Variants in PHF2 observed in about 807,000 individuals in gnomAD.
PHF2 encodes the protein PHD finger protein 2, also known as lysine-specific demethylase PHF2.
Under a neutral mutation model 120.5 loss-of-function variants are expected in PHF2, and 27 were observed. The observed-to-expected ratio is 0.22, with a 90% CI of 0.17 to 0.31. The LOEUF (loss-of-function observed/expected upper bound fraction) is 0.31. Among genes scored for constraint, PHF2 ranks in the 10% least tolerant of loss-of-function variants. The probability of loss-of-function intolerance (pLI) is 1.00; values close to 1 mark genes in which losing one functional copy is unlikely to be tolerated. For synonymous variants in PHF2, 568 were observed against 592.5 expected, an observed-to-expected ratio of 0.96 and a Z score of 0.60; for missense variants, 1,024 against 1,434.8, an observed-to-expected ratio of 0.71 and a Z score of 4.63.
chr9:93,599,360 T>C (rs540326835), intron 1 of PHF2, among the ~76,000 whole-genome samples: 30 of 152,352 alleles, frequency 2.0e-4, no homozygotes, highest in African/African-American at 6.7e-4. Flanking sequence ...CGTTGTGGGC[T>C]GCTCTCCCCT....
chr9:93,601,759 C>T (rs1022347946), intron 1 of PHF2, among the ~76,000 whole-genome samples: 6 of 152,038 alleles, frequency 3.9e-5, no homozygotes, highest in Non-Finnish European at 5.9e-5. Flanking sequence ...CACCCCTGTC[C>T]CTGGAGGAAT....
At chr9:93,594,822 G>A (rs1825302318) in intron 1 of PHF2, 1 of 152,466 alleles carries the variant, frequency 6.6e-6, no homozygotes, top group South Asian at 2.1e-4. Flanking sequence ...CCAGTCTGAA[G>A]ATGTTATTAG....
intron 1 of PHF2, among the ~76,000 whole-genome samples, chr9:93,624,380 T>C (rs1341274993): frequency 2.0e-5 from 3 of 151,938 alleles, no homozygotes; most frequent in Admixed American, 6.6e-5. Flanking sequence ...ATGAAAATGA[T>C]GGTGATGAGG....
At chr9:93,578,945 CG>C (rs902924947) in intron 1 of PHF2, among the ~76,000 whole-genome samples, 2 of 152,180 alleles carry the variant, frequency 1.3e-5, no homozygotes, top group African/African-American at 4.8e-5. Flanking sequence ...TGCTTTCCCT[CG>C]GCCATGAAAG....
chr9:93,595,560 C>G (rs1278530968), intron 1 of PHF2, among the ~76,000 whole-genome samples: 1 of 152,254 alleles, frequency 6.6e-6, no homozygotes, highest in African/African-American at 2.4e-5. Flanking sequence ...AAAGCTGTGT[C>G]TGGAATGCCT....
chr9:93,650,846 C>T (rs961902526), intron 5 of PHF2, among the ~76,000 whole-genome samples: 5 of 152,292 alleles, frequency 3.3e-5, no homozygotes, highest in Non-Finnish European at 7.3e-5. Flanking sequence ...TCATCGTTTC[C>T]GTCATGCCTA....
intron 1 of PHF2, among the ~76,000 whole-genome samples, chr9:93,608,732 G>T (rs1184613497): frequency 6.6e-6 from 1 of 152,082 alleles, no homozygotes; most frequent in Non-Finnish European, 1.5e-5. Flanking sequence ...GCATAGTGTT[G>T]TTTCATCCTT....
chr9:93,611,415 C>A (rs370533053), intron 1 of PHF2, among the ~76,000 whole-genome samples: 111 of 140,718 alleles, frequency 7.9e-4, no homozygotes, highest in Non-Finnish European at 9.4e-4. Context: ...AACTCTGTCT[C>A]AAAAAAAAAA....
At position 93,677,612 on chromosome 9, in the gene PHF2, C is replaced by G. The variant is rs1388207362; in HGVS notation, c.3227C>G (p.Ala1076Gly). 6.2e-7 allele frequency: 1 copy of G among 1,613,750 alleles called. No individual in the cohort carries two copies. The highest frequency in any genetic ancestry group is 1.3e-5 in the African/African-American group (1 of 75,006). ...GGAAAACGTACGAAAAAGGGCATGGCGACCGCCAAGCAGAGGCTTGGGAAA... is the reference window on the plus strand; with the variant it reads ...GGAAAACGTACGAAAAAGGGCATGGGGACCGCCAAGCAGAGGCTTGGGAAA... ...AKGKRTKKGM[A>G]TAKQRLGKIL... The change falls in exon 22 of 22, where the codon GCG becomes GGG. Residue 1076 changes from alanine (A) to glycine (G), a missense_variant. Physicochemically the swap from Ala to Gly is moderately conservative, Grantham distance 60. Transcript: ENST00000359246. This position sits in a 1 kb window ranked among gnomAD's most constrained non-coding sequence, Gnocchi z 4.4.
At chr9:93,657,499 C>T (rs936006610) in intron 9 of PHF2, among the ~76,000 whole-genome samples, 3 of 152,256 alleles carry the variant, frequency 2.0e-5, no homozygotes, top group Non-Finnish European at 4.4e-5. Flanking sequence ...AGCCACCCCA[C>T]AGGGCCAGCC....
Position 93,593,105 on chromosome 9 carries a change from A to AAAAAAAAAGG in PHF2, c.98+16240_98+16241insAAGGAAAAAA, listed in dbSNP as rs1554790887. Among the ~76,000 whole-genome samples, 11 of 122,714 alleles carry AAAAAAAAAGG rather than the reference A, an allele frequency of 9.0e-5. 1 individual carries two copies. The highest frequency in any genetic ancestry group is 3.0e-4 in the African/African-American group (9 of 30,108). 80.5% of individuals were successfully genotyped at this position (122,714 alleles called of 152,430 possible). A position where few individuals can be genotyped will look rare whatever the true frequency, so the allele number is the denominator to read the frequency against. On this transcript the variant is annotated intron_variant, in intron 1 of 21. Transcript: ENST00000359246. ...ATGCCAAAAAAAAAAAAAAAAAAAA[A>AAAAAAAAAGG]AAAAAAGAAAAAAAAAGGACTAAGA...
rs867590990 is a variant in PHF2 at position 93,618,589 on chromosome 9, G to A, written c.99-11381G>A. On this transcript the variant is annotated intron_variant, in intron 1 of 21. Transcript: ENST00000359246. Reference sequence around the variant, plus strand: ...TCCACCAAAAGGAATTGTACCATACGCATTCTTCTAAAACATGATGTTCTT... The same window carrying A: ...TCCACCAAAAGGAATTGTACCATACACATTCTTCTAAAACATGATGTTCTT... Among the ~76,000 whole-genome samples, 14 of 152,306 alleles carry A rather than the reference G, an allele frequency of 9.2e-5. No individual in the cohort carries two copies. The South Asian group carries it at 1.0e-3, about 11-fold the overall frequency.
chr9:93,588,587 G>GC (rs1863106383), intron 1 of PHF2, among the ~76,000 whole-genome samples: 1 of 152,048 alleles, frequency 6.6e-6, no homozygotes, highest in African/African-American at 2.4e-5. Flanking sequence ...TGCACTCCCT[G>GC]CCCCCCAGAA....
At chr9:93,584,121 C>T (rs1862989221) in intron 1 of PHF2, among the ~76,000 whole-genome samples, 2 of 152,194 alleles carry the variant, frequency 1.3e-5, no homozygotes, top group Non-Finnish European at 2.9e-5. Flanking sequence ...AGCTACTGCG[C>T]CCAGCCTAAG....
Position 93,649,164 on chromosome 9 carries a change from A to G in PHF2, c.554A>G (p.Asn185Ser). ...TTTGTGGACTATTACTACAGCACCA[A>G]CCGCAAGCGGGTCCTCAACGTCACC... is the stretch of plus-strand genomic sequence containing the variant. ...KEFVDYYYST[N>S]RKRVLNVTNL... The change falls in exon 5 of 22, where the codon AAC becomes AGC. Residue 185 changes from asparagine to serine, a missense_variant. Around this residue, in one of 2 missense-constraint regions of PHF2, gnomAD observed 347 missense variants for 577.4 expected, o/e 0.60. Transcript: ENST00000359246. 1.3e-6 allele frequency: 2 copies of G among 1,497,086 alleles called. No individual in the cohort carries two copies. The highest frequency in any genetic ancestry group is 9.0e-7 in the Non-Finnish European group (1 of 1,113,876). 92.7% of individuals were successfully genotyped at this position (1,497,086 alleles called of 1,614,324 possible).
intron 1 of PHF2, among the ~76,000 whole-genome samples, chr9:93,597,975 T>C (rs1204029247): frequency 6.6e-6 from 1 of 152,000 alleles, no homozygotes; most frequent in Non-Finnish European, 1.5e-5. Flanking sequence ...TGGGCAGGGG[T>C]CCTCAGGTCA....
Position 93,675,926 on chromosome 9 carries a change from C to T in PHF2, c.2832+137C>T, listed in dbSNP as rs544678220. 2.0e-5 allele frequency: 13 copies of T among 634,904 alleles called. No individual in the cohort carries two copies. In the African/African-American group the frequency reaches 2.2e-4, roughly 11 times the overall value. The allele number at this position is 634,904 out of a possible 1,614,324, so 39.3% of individuals were successfully genotyped here. A position where few individuals can be genotyped will look rare whatever the true frequency, so the allele number is the denominator to read the frequency against. ...CCAGGGGTGGTCACAGGCTTGGGGA[C>T]ATTTGATTAGAGAGTGCCCTATTCC... On this transcript the variant is annotated intron_variant, in intron 20 of 21. Transcript: ENST00000359246.
At chr9:93,580,777 C>T (rs7038444) in intron 1 of PHF2, among the ~76,000 whole-genome samples, 3,434 of 152,188 alleles carry the variant, frequency 0.023, 122 homozygotes, top group African/African-American at 0.072. Flanking sequence ...GTATTCTGTA[C>T]GGAGTTCAGA....
chr9:93,608,248 A>G (rs1205301627), intron 1 of PHF2, among the ~76,000 whole-genome samples: 1 of 152,110 alleles, frequency 6.6e-6, no homozygotes, highest in Non-Finnish European at 1.5e-5. Context: ...GCTTGAGCCT[A>G]GGAGTTTGAG....
Sources: gnomAD v4.1 joint callset for allele counts (sites outside exome capture counted in the v4.1 genomes callset) on GRCh38, gnomAD v4.1.1 for gene constraint, gnomAD v4.1.1 regional missense constraint, Gnocchi (gnomAD v3.1) non-coding constraint, MANE v1.5 for transcripts, NCBI Gene and HGNC (gene_info 2026-07-23, HGNC 2026-07-21) for gene names.